AGK: variants seen among roughly 807,000 people sequenced by gnomAD.
AGK encodes the protein acylglycerol kinase, mitochondrial.
AGK carries 52 observed loss-of-function variants against 66.4 expected under a neutral mutation model. The ratio of observed to expected loss-of-function variants is 0.78; its 90% CI spans 0.63 to 0.99. The LOEUF (loss-of-function observed/expected upper bound fraction) is 0.99. Ranked by LOEUF, AGK falls within the 50% of genes least tolerant of loss-of-function variation. The pLI, the probability that AGK is intolerant of heterozygous loss-of-function variation, is 0.00. For missense variants in AGK, 451 were observed against 506.6 expected (o/e 0.89, Z 1.05); for synonymous variants, 182 against 181.1 (o/e 1.00, Z -0.04).
rs1797605877 is a variant in AGK at position 141,653,139 on chromosome 7, G to T, written c.*215G>T. The T allele has an allele frequency of 3.7e-6, 2 of 535,914 alleles. No homozygotes were observed. The highest frequency in any genetic ancestry group is 4.8e-5 in the South Asian group (2 of 41,368). 33.2% of individuals were successfully genotyped at this position (535,914 alleles called of 1,614,324 possible). A position where few individuals can be genotyped will look rare whatever the true frequency, so the allele number is the denominator to read the frequency against. ...CCATTAGCGCATGTTTTATTTTGGT[G>T]TGACGGTTGGCCCTCCTAAACACGG... On this transcript the variant is annotated 3_prime_UTR_variant, in exon 16 of 16. Transcript: ENST00000649286.
intron 2 of AGK, among the ~76,000 whole-genome samples, chr7:141,581,218 T>G (rs940598340): frequency 6.6e-6 from 1 of 151,816 alleles, no homozygotes; most frequent in African/African-American, 2.4e-5. Context: ...CCCAGGTAAT[T>G]TGCTGGGCCT....
At chr7:141,639,203 G>A (rs1423782837) in intron 11 of AGK, among the ~76,000 whole-genome samples, 1 of 152,192 alleles carries the variant, frequency 6.6e-6, no homozygotes, top group Admixed American at 6.5e-5. Flanking sequence ...CCTCCAAAGT[G>A]TGGTGGCTGA....
At chr7:141,610,652 C>T (rs1304022569) in intron 5 of AGK, among the ~76,000 whole-genome samples, 1 of 152,206 alleles carries the variant, frequency 6.6e-6, no homozygotes, top group African/African-American at 2.4e-5. Flanking sequence ...AGTTGCTTTA[C>T]ATACTGCTTT....
At chr7:141,576,776 A>C (rs1160027807) in intron 2 of AGK, among the ~76,000 whole-genome samples, 3 of 152,082 alleles carry the variant, frequency 2.0e-5, no homozygotes, top group African/African-American at 7.2e-5. Context: ...GTGGTGGCTC[A>C]TGCCTGTAAT....
chr7:141,640,202 G>A lies in AGK; in HGVS notation c.727-1046G>A, dbSNP rs577392056. Among the ~76,000 whole-genome samples, 26 of 152,250 alleles carry A rather than the reference G, an allele frequency of 1.7e-4. 1 individual carries two copies. Among genetic ancestry groups the A allele is most frequent in the Admixed American group, 1.3e-3 (20 of 15,290 alleles). On this transcript the variant is annotated intron_variant, in intron 11 of 15. Transcript: ENST00000649286. ...GGAGTGGAGGACAGAGCACAGATAC[G>A]TGGTCTCTATCTGATCTCCTAATAC...
chr7:141,638,007 G>A (rs1415851070), intron 11 of AGK, among the ~76,000 whole-genome samples: 3 of 152,188 alleles, frequency 2.0e-5, no homozygotes, highest in African/African-American at 7.2e-5. Flanking sequence ...GGAGTTGTGA[G>A]TGCATTTAGG....
chr7:141,652,788 G>C lies in AGK; in HGVS notation c.1133G>C (p.Gly378Ala). Residue 378 changes from glycine to alanine, a missense_variant and splice_region_variant, in exon 16 of 16, where the codon GGA (glycine) becomes GCA (alanine). Gly to Ala is a moderately conservative substitution (Grantham distance 60). Transcript: ENST00000649286. ...ASQCTLLIPE[G>A]AGGSFSIDSE... Reference sequence around the variant, plus strand: ...TTCTGAATATTCTCTTCTCCCCAGGGAGCAGGGGGCTCTTTTAGCATTGAC... The same window carrying C: ...TTCTGAATATTCTCTTCTCCCCAGGCAGCAGGGGGCTCTTTTAGCATTGAC... 1 of 1,612,992 alleles carries C rather than the reference G, an allele frequency of 6.2e-7. No individual in the cohort carries two copies. Among genetic ancestry groups the C allele is most frequent in the East Asian group, 2.2e-5 (1 of 44,872 alleles).
At chr7:141,585,038 T>G (rs956002074) in intron 2 of AGK, among the ~76,000 whole-genome samples, 1 of 152,202 alleles carries the variant, frequency 6.6e-6, no homozygotes, top group African/African-American at 2.4e-5. Context: ...AGAGATAACC[T>G]TGTTTGGTTA....
At chr7:141,647,583 C>G (rs536394008) in intron 13 of AGK, among the ~76,000 whole-genome samples, 1 of 152,086 alleles carries the variant, frequency 6.6e-6, no homozygotes, top group Admixed American at 6.5e-5. Context: ...GGAAGTTGCT[C>G]GAGATGAAAA....
At chr7:141,593,356 A>G (rs1332034389) in intron 3 of AGK, 171 bp downstream of exon 3, 1 of 717,042 alleles carries the variant, frequency 1.4e-6, no homozygotes, top group Non-Finnish European at 2.5e-6. Flanking sequence ...AACTCCAGGA[A>G]GTTAACCATC....
chr7:141,649,254 C>A lies in AGK; in HGVS notation c.976-9C>A, dbSNP rs746375297. The A allele has an allele frequency of 1.2e-6, 2 of 1,609,354 alleles. No homozygotes were observed. The highest frequency in any genetic ancestry group is 1.7e-5 in the Admixed American group (1 of 59,978). On this transcript the variant is annotated splice_polypyrimidine_tract_variant and intron_variant, in intron 13 of 15. Coordinates refer to ENST00000649286, the MANE Select transcript of AGK (RefSeq NM_018238.4). Reference sequence around the variant, plus strand: ...AGAGTAATGACGTTAGTGTTCTTAACCTTTTTAGAGCAAAGAAGATTTTCT... The same window carrying A: ...AGAGTAATGACGTTAGTGTTCTTAAACTTTTTAGAGCAAAGAAGATTTTCT...
chr7:141,582,493 T>C (rs1795901737), intron 2 of AGK, among the ~76,000 whole-genome samples: 1 of 151,974 alleles, frequency 6.6e-6, no homozygotes, highest in Non-Finnish European at 1.5e-5. Flanking sequence ...TTTTATTTAA[T>C]GTTGGGAACC....
rs574669015 is a variant in AGK at position 141,649,904 on chromosome 7, G to C, written c.1046+571G>C. 2.3e-4 allele frequency among the ~76,000 whole-genome samples: 35 copies of C among 152,314 alleles called. No homozygotes were observed. In the East Asian group the frequency reaches 6.5e-3, roughly 28 times the overall value. ...ATTGAGTACCTTGGACATTTCCCAG[G>C]CCTTTTTCCCTTTTCCAATACAGAA... is the stretch of plus-strand genomic sequence containing the variant. On this transcript the variant is annotated intron_variant, in intron 14 of 15. Transcript: ENST00000649286.
intron 2 of AGK, among the ~76,000 whole-genome samples, chr7:141,572,488 C>G (rs995072304): frequency 2.0e-5 from 3 of 152,186 alleles, no homozygotes; most frequent in African/African-American, 7.2e-5. Flanking sequence ...CTCTGAGCCT[C>G]AGTTTCCTTA....
intron 2 of AGK, chr7:141,562,186 G>A (rs1268453986): frequency 4.4e-6 from 2 of 454,344 alleles, no homozygotes; most frequent in East Asian, 1.4e-4. Context: ...CAGGACCTTT[G>A]GTTAGCCAGG....
chr7:141,621,856 G>T, intron 9 of AGK, 55 bp downstream of exon 9: 2 of 1,305,412 alleles, frequency 1.5e-6, no homozygotes, highest in Non-Finnish European at 2.2e-6. Flanking sequence ...TCGCTTACAT[G>T]TTAAAGAAAA....
chr7:141,594,427 G>A (rs1477072018), intron 3 of AGK, among the ~76,000 whole-genome samples: 1 of 151,984 alleles, frequency 6.6e-6, no homozygotes, highest in East Asian at 1.9e-4. Context: ...TCTCAACCTC[G>A]TGTTCCACCT....
chr7:141,568,313 G>T (rs1387201691), intron 2 of AGK, among the ~76,000 whole-genome samples: 1 of 152,218 alleles, frequency 6.6e-6, no homozygotes, highest in East Asian at 1.9e-4. Flanking sequence ...TTTTCCATCT[G>T]ATTTGGGCTC....
rs143652651 is a variant in AGK, at chr7:141,638,931, G to A, written c.726+1914G>A. On this transcript the variant is annotated intron_variant, in intron 11 of 15. Coordinates refer to ENST00000649286, the MANE Select transcript of AGK (RefSeq NM_018238.4). ...ATTCAAATGTCATAAGTGTGTGAGC[G>A]GTGTTGAAACCATGGGTTGGGTGAA... 1.6e-4 allele frequency among the ~76,000 whole-genome samples: 25 copies of A among 152,170 alleles called. No homozygotes were observed. In the East Asian group the frequency reaches 3.9e-3, roughly 24 times the overall value.
Sources: gnomAD v4.1 joint callset for allele counts (sites outside exome capture counted in the v4.1 genomes callset) on GRCh38, gnomAD v4.1.1 for gene constraint, MANE v1.5 for transcripts, NCBI Gene and HGNC (gene_info 2026-07-23, HGNC 2026-07-21) for gene names.